PALLD: variants seen among roughly 807,000 people sequenced by gnomAD.
The protein encoded by PALLD is palladin.
A neutral mutation model predicts 123.5 loss-of-function variants in PALLD; 61 were observed. That is an observed-to-expected ratio of 0.49 (90% CI 0.40 to 0.61). The LOEUF (loss-of-function observed/expected upper bound fraction) is 0.61, where lower values mean the gene tolerates loss of function less well. PALLD is among the 20% of genes least tolerant of loss of function. The pLI, the probability that PALLD is intolerant of heterozygous loss-of-function variation, is 0.00. For synonymous variants in PALLD, 465 were observed against 496.4 expected, an observed-to-expected ratio of 0.94 and a Z score of 0.84; for missense variants, 1,273 against 1,377.0, an observed-to-expected ratio of 0.92 and a Z score of 1.20.
At chr4:168,695,227 A>C (rs1783028662) in intron 8 of PALLD, among the ~76,000 whole-genome samples, 2 of 152,206 alleles carry the variant, frequency 1.3e-5, no homozygotes, top group Non-Finnish European at 2.9e-5. Flanking sequence ...AGTAAGTTAC[A>C]CTTAGTTAAA....
intron 2 of PALLD, among the ~76,000 whole-genome samples, chr4:168,532,662 G>T (rs1764715695): frequency 6.6e-6 from 1 of 152,070 alleles, no homozygotes; most frequent in African/African-American, 2.4e-5. Flanking sequence ...TAACTATCTT[G>T]TAGAAGAAAA....
chr4:168,737,842 T>C (rs957230835), intron 10 of PALLD, among the ~76,000 whole-genome samples: 51 of 152,328 alleles, frequency 3.3e-4, no homozygotes, highest in Middle Eastern at 6.8e-3. Context: ...TAGTTTCGCT[T>C]CAAACACTGA....
chr4:168,546,185 T>A (rs968578739), intron 2 of PALLD, among the ~76,000 whole-genome samples: 1 of 151,144 alleles, frequency 6.6e-6, no homozygotes. Flanking sequence ...ACATATGGAG[T>A]TCCTGCAGGA....
In PALLD at chr4:168,702,324, G is replaced by C. The variant is rs1328891557; in HGVS notation, c.1502-6704G>C. 2.0e-5 allele frequency among the ~76,000 whole-genome samples: 3 copies of C among 152,280 alleles called. No individual in the cohort carries two copies. In the East Asian group the frequency reaches 5.8e-4, roughly 29 times the overall value. The stretch of plus-strand genomic sequence containing the variant: ...CCAGCACTTTGGGAGGCTGAGGCGG[G>C]TGGATCACCTGAGGTCAGGAGTTCG... On this transcript the variant is annotated intron_variant, in intron 8 of 21. Transcript: ENST00000505667.
intron 2 of PALLD, among the ~76,000 whole-genome samples, chr4:168,655,255 A>G: frequency 6.6e-6 from 1 of 152,222 alleles, no homozygotes; most frequent in African/African-American, 2.4e-5. Flanking sequence ...AGCATTCGGG[A>G]AGGAGGGTGG....
chr4:168,820,741 T>C (rs1489202930), intron 10 of PALLD, among the ~76,000 whole-genome samples: 1 of 152,136 alleles, frequency 6.6e-6, no homozygotes. Flanking sequence ...GAAGAACTTC[T>C]ACTTTGAGTA....
At chr4:168,639,165 A>G (rs1256945939) in intron 2 of PALLD, among the ~76,000 whole-genome samples, 1 of 152,236 alleles carries the variant, frequency 6.6e-6, no homozygotes, top group Non-Finnish European at 1.5e-5. Context: ...GACAGCCTCT[A>G]TATTACTTAT....
intron 2 of PALLD, among the ~76,000 whole-genome samples, chr4:168,659,804 A>G (rs1778954720): frequency 6.6e-6 from 1 of 152,226 alleles, no homozygotes; most frequent in African/African-American, 2.4e-5. Context: ...AATTTTCATG[A>G]TACGTAGTTG....
chr4:168,797,459 T>A (rs1738672061), intron 10 of PALLD, among the ~76,000 whole-genome samples: 1 of 152,122 alleles, frequency 6.6e-6, no homozygotes, highest in Admixed American at 6.6e-5. Context: ...AAGGAGTTTA[T>A]CAGATCACCC....
intron 2 of PALLD, among the ~76,000 whole-genome samples, chr4:168,549,003 A>G (rs1463270443): frequency 6.6e-6 from 1 of 152,122 alleles, no homozygotes; most frequent in Non-Finnish European, 1.5e-5. Flanking sequence ...CCTGGGTGAC[A>G]GAGCAAGACC....
intron 10 of PALLD, among the ~76,000 whole-genome samples, chr4:168,738,101 G>C (rs1401311621): frequency 6.6e-6 from 1 of 152,154 alleles, no homozygotes; most frequent in African/African-American, 2.4e-5. Flanking sequence ...ATTTCACTTG[G>C]CATTTTTCAT....
chr4:168,618,567 CCT>C (rs147983955), intron 2 of PALLD, among the ~76,000 whole-genome samples: 5,807 of 152,208 alleles, frequency 0.038, 155 homozygotes, highest in Non-Finnish European at 0.056. Context: ...CTATTTAACC[CCT>C]TTCATTGTAC....
chr4:168,757,939 C>T (rs562861331), intron 10 of PALLD, among the ~76,000 whole-genome samples: 5 of 152,254 alleles, frequency 3.3e-5, no homozygotes, highest in South Asian at 2.1e-4. Flanking sequence ...GGTGTGGTGG[C>T]GCATGCCTGT....
intron 2 of PALLD, among the ~76,000 whole-genome samples, chr4:168,617,361 A>G (rs75910902): frequency 9.2e-5 from 14 of 152,202 alleles, no homozygotes; most frequent in Non-Finnish European, 1.9e-4. Flanking sequence ...TTTTTCTTCC[A>G]TAATCCTAGA....
chr4:168,771,071 A>AAAC (rs1554080049), intron 10 of PALLD, among the ~76,000 whole-genome samples: 21 of 100,940 alleles, frequency 2.1e-4, no homozygotes, highest in East Asian at 6.7e-4. Context: ...TCAAAAAAAA[A>AAAC]AAAACAAAAA....
intron 10 of PALLD, among the ~76,000 whole-genome samples, chr4:168,836,490 G>A (rs981725540): frequency 2.0e-5 from 3 of 152,164 alleles, no homozygotes; most frequent in African/African-American, 7.2e-5. Context: ...CAAGTAAAAA[G>A]TACAGACACT....
At chr4:168,551,713 G>A (rs900649078) in intron 2 of PALLD, among the ~76,000 whole-genome samples, 1 of 151,732 alleles carries the variant, frequency 6.6e-6, no homozygotes, top group Non-Finnish European at 1.5e-5. Context: ...AACAGGCAAT[G>A]TGAATCATGT....
chr4:168,859,736 C>T (rs888896312), intron 10 of PALLD, among the ~76,000 whole-genome samples: 42 of 152,118 alleles, frequency 2.8e-4, no homozygotes, highest in African/African-American at 9.9e-4. Flanking sequence ...AGTGAGGGAA[C>T]TTTTAGAACT....
In PALLD at chr4:168,668,487, A is replaced by G. The variant is rs558691873; in HGVS notation, c.1087+119A>G. ...AATGGCACAATGGTGTTCTAATTCA[A>G]ACTTCATTTCCCTGAAAACCTTTAT... On this transcript the variant is annotated intron_variant, in intron 3 of 21. Transcript: ENST00000505667. 12 of 759,458 alleles carry G rather than the reference A, an allele frequency of 1.6e-5. No individual in the cohort carries two copies. The Admixed American group carries it at 2.7e-4, about 17-fold the overall frequency. 47.0% of individuals were successfully genotyped at this position (759,458 alleles called of 1,614,324 possible). A position where few individuals can be genotyped will look rare whatever the true frequency, so the allele number is the denominator to read the frequency against.
Sources: allele counts gnomAD v4.1 joint callset (sites outside exome capture counted in the v4.1 genomes callset), GRCh38; gene constraint gnomAD v4.1.1; transcripts MANE v1.5; gene names NCBI Gene and HGNC (gene_info 2026-07-23, HGNC 2026-07-21).